APELA: variants seen among roughly 807,000 people sequenced by gnomAD.
APELA encodes the protein protein Elabela.
At position 164,896,371 on chromosome 4, in the gene APELA, A is replaced by C. The variant is rs903991259; in HGVS notation, c.*957A>C. The C allele has an allele frequency of 2.0e-5, 3 of 152,206 alleles. No individual in the cohort carries two copies. Among genetic ancestry groups the C allele is most frequent in the Non-Finnish European group, 2.9e-5 (2 of 68,040 alleles). The allele number at this position is 152,206 out of a possible 1,614,324, so 9.4% of individuals were successfully genotyped here. On this transcript the variant is annotated 3_prime_UTR_variant, in exon 3 of 3. Coordinates refer to ENST00000507152, the MANE Select transcript of APELA (RefSeq NM_001297550.2). ...ACCTTTCTCATCATGTAATTATAGGAACCCAACGTTTGATTTCCTTTGAAG... is the reference window on the plus strand; with the variant it reads ...ACCTTTCTCATCATGTAATTATAGGCACCCAACGTTTGATTTCCTTTGAAG...
intron 2 of APELA, among the ~76,000 whole-genome samples, chr4:164,883,951 C>CA (rs1730711087): frequency 8.8e-6 from 1 of 114,048 alleles, no homozygotes; most frequent in South Asian, 2.9e-4. Context: ...ACGAAAGAGA[C>CA]AAAGACAGAA....
chr4:164,877,446 C>T (rs969165934), intron 1 of APELA, 39 bp downstream of exon 1: 1 of 398,726 alleles, frequency 2.5e-6, no homozygotes, highest in African/African-American at 2.1e-5. Flanking sequence ...ACTTGTTTTG[C>T]CTGTTTGCAT....
chr4:164,883,471 C>A (rs1730699123), intron 2 of APELA, among the ~76,000 whole-genome samples: 4 of 149,830 alleles, frequency 2.7e-5, no homozygotes, highest in Admixed American at 2.7e-4. Flanking sequence ...TTTATGTTCC[C>A]TTTCTAGTCT....
At chr4:164,889,778 C>A (rs544989068) in intron 2 of APELA, among the ~76,000 whole-genome samples, 146 of 152,236 alleles carry the variant, frequency 9.6e-4, no homozygotes, top group Non-Finnish European at 1.9e-3. Context: ...GGAAAAAAAA[C>A]AGAATGGCAG....
At chr4:164,885,360 A>C (rs1730749957) in intron 2 of APELA, among the ~76,000 whole-genome samples, 2 of 151,714 alleles carry the variant, frequency 1.3e-5, no homozygotes, top group African/African-American at 4.8e-5. Context: ...CGAACTCCTG[A>C]CTTCAAGTGA....
At position 164,882,475 on chromosome 4, in the gene APELA, T is replaced by A. The variant is rs576788805; in HGVS notation, c.*1+3466T>A. On this transcript the variant is annotated intron_variant, in intron 2 of 2. Transcript: ENST00000507152. ...ATATATTTCTAACAGTATGGAAGAATGTAAAGTCAAAAGTACAAGTTCCCC... is the reference window on the plus strand; with the variant it reads ...ATATATTTCTAACAGTATGGAAGAAAGTAAAGTCAAAAGTACAAGTTCCCC... Among the ~76,000 whole-genome samples the A allele has an allele frequency of 1.1e-4, 16 of 152,300 alleles. No individual in the cohort carries two copies. The South Asian group carries it at 3.3e-3, about 32-fold the overall frequency.
intron 2 of APELA, among the ~76,000 whole-genome samples, chr4:164,881,613 T>C (rs1730655590): frequency 6.6e-6 from 1 of 151,744 alleles, no homozygotes; most frequent in African/African-American, 2.4e-5. Flanking sequence ...GGAAGGGGTG[T>C]CAGGAAATGC....
chr4:164,885,400 G>A (rs944129965), intron 2 of APELA, among the ~76,000 whole-genome samples: 1 of 151,826 alleles, frequency 6.6e-6, no homozygotes, highest in Non-Finnish European at 1.5e-5. Flanking sequence ...CAAAGTGCTA[G>A]GGTTACAGGT....
rs552129674 is a variant in APELA, at chr4:164,887,402, C to T, written c.*2-8014C>T. 7.7e-4 allele frequency among the ~76,000 whole-genome samples: 117 copies of T among 152,164 alleles called. No individual in the cohort carries two copies. The Middle Eastern group carries it at 0.02, about 27-fold the overall frequency. ...ATTTCAAGCTGTACTTATACCTTTA[C>T]CTCTCTGGATCATCGTGTCAACTTG... On this transcript the variant is annotated intron_variant, in intron 2 of 2. Coordinates refer to ENST00000507152, the MANE Select transcript of APELA (RefSeq NM_001297550.2).
downstream of APELA, among the ~76,000 whole-genome samples, chr4:164,898,016 G>C (rs561943441): frequency 2.0e-5 from 3 of 151,952 alleles, no homozygotes; most frequent in Non-Finnish European, 4.4e-5. Flanking sequence ...TCAGCCTCCC[G>C]AGCAGCTGGG....
chr4:164,882,839 G>A (rs954811247), intron 2 of APELA, among the ~76,000 whole-genome samples: 6 of 151,872 alleles, frequency 4.0e-5, no homozygotes, highest in Non-Finnish European at 4.4e-5. Flanking sequence ...GAGAACATGC[G>A]GTGTTTGGTT....
downstream of APELA, among the ~76,000 whole-genome samples, chr4:164,898,565 CTT>C (rs1731020117): frequency 6.6e-6 from 1 of 150,696 alleles, no homozygotes; most frequent in Admixed American, 6.6e-5. Context: ...AAGGAAAAGA[CTT>C]TACAGAGCTT....
chr4:164,882,634 T>C (rs1418101233), intron 2 of APELA, among the ~76,000 whole-genome samples: 3 of 152,108 alleles, frequency 2.0e-5, no homozygotes, highest in East Asian at 3.9e-4. Context: ...TTAGGGTACA[T>C]GTGCACAACG....
chr4:164,896,242 G>A lies in APELA; in HGVS notation c.*828G>A, dbSNP rs1471130238. ...CCAATTATAGGCTGGGATTACAGGT[G>A]TGCACCACTACACCCAGCTAATTCT... is the stretch of plus-strand genomic sequence containing the variant. On this transcript the variant is annotated 3_prime_UTR_variant, in exon 3 of 3. Transcript: ENST00000507152. The A allele has an allele frequency of 1.3e-5, 2 of 152,112 alleles. No individual in the cohort carries two copies. Among genetic ancestry groups the A allele is most frequent in the Admixed American group, 6.5e-5 (1 of 15,270 alleles). 9.4% of individuals were successfully genotyped at this position (152,112 alleles called of 1,614,324 possible).
intron 2 of APELA, among the ~76,000 whole-genome samples, chr4:164,887,756 C>T (rs1730801544): frequency 6.6e-6 from 1 of 152,018 alleles, no homozygotes; most frequent in Non-Finnish European, 1.5e-5. Context: ...GGATTACAAG[C>T]ATGCGCCACC....
At chr4:164,881,291 T>G (rs1730648613) in intron 2 of APELA, among the ~76,000 whole-genome samples, 1 of 152,224 alleles carries the variant, frequency 6.6e-6, no homozygotes, top group African/African-American at 2.4e-5. Context: ...ATGTGGTTAT[T>G]TGATCAGTTA....
chr4:164,886,638 T>C (rs1730776039), intron 2 of APELA, among the ~76,000 whole-genome samples: 1 of 151,896 alleles, frequency 6.6e-6, no homozygotes, highest in Non-Finnish European at 1.5e-5. Flanking sequence ...AGAGTGAGAC[T>C]CCGTCTAAAA....
intron 2 of APELA, among the ~76,000 whole-genome samples, chr4:164,884,330 G>T (rs1484496320): frequency 1.3e-5 from 2 of 152,046 alleles, no homozygotes; most frequent in Non-Finnish European, 2.9e-5. Flanking sequence ...TTTTGAAAAG[G>T]CAGCTGTTTT....
At chr4:164,888,558 G>T (rs188921052) in intron 2 of APELA, among the ~76,000 whole-genome samples, 32 of 152,288 alleles carry the variant, frequency 2.1e-4, no homozygotes, top group African/African-American at 7.5e-4. Flanking sequence ...TCCTGGGCTG[G>T]TTGCTGCAGT....
Sources: allele counts gnomAD v4.1 joint callset (sites outside exome capture counted in the v4.1 genomes callset), GRCh38; gene constraint gnomAD v4.1.1; transcripts MANE v1.5; gene names NCBI Gene and HGNC (gene_info 2026-07-23, HGNC 2026-07-21).